The following SLCO1A2 variants were observed in gnomAD, a reference collection of about 807,000 sequenced individuals.
SLCO1A2 encodes the protein OATP-1.
Under a neutral mutation model 69.0 loss-of-function variants are expected in SLCO1A2, and 67 were observed. The ratio of observed to expected loss-of-function variants is 0.97; its 90% CI spans 0.80 to 1.19. SLCO1A2 has a LOEUF of 1.19. Ranked by LOEUF, SLCO1A2 falls within the 50% of genes most tolerant of loss-of-function variation. The pLI, the probability that SLCO1A2 is intolerant of heterozygous loss-of-function variation, is 0.00. For synonymous variants in SLCO1A2, 260 were observed against 265.9 expected (o/e 0.98, Z 0.22); for missense variants, 787 against 793.7 (o/e 0.99, Z 0.10).
At chr12:21,414,404 T>C in intron 1 of SLCO1A2, among the ~76,000 whole-genome samples, 1 of 152,140 alleles carries the variant, frequency 6.6e-6, no homozygotes, top group Non-Finnish European at 1.5e-5. Flanking sequence ...AATTTTCATA[T>C]CATGTTTTCC....
chr12:21,299,622 T>A (rs1261721099), intron 8 of SLCO1A2, among the ~76,000 whole-genome samples: 1 of 151,092 alleles, frequency 6.6e-6, no homozygotes, highest in Non-Finnish European at 1.5e-5. Flanking sequence ...ACACACTGGT[T>A]ACAAAACTAT....
At chr12:21,281,727 C>T (rs1944839182) in intron 12 of SLCO1A2, among the ~76,000 whole-genome samples, 2 of 152,094 alleles carry the variant, frequency 1.3e-5, no homozygotes, top group East Asian at 1.9e-4. Flanking sequence ...GAAAACATTA[C>T]AACTGATACC....
intron 6 of SLCO1A2, 108 bp downstream of exon 6, chr12:21,304,319 C>T (rs1949084127): frequency 3.5e-6 from 3 of 856,252 alleles, no homozygotes; most frequent in Middle Eastern, 3.6e-4. Context: ...TGCCAAGATA[C>T]TCTACTCATC....
chr12:21,372,872 A>G (rs1212261679), intron 2 of SLCO1A2: 1 of 185,826 alleles, frequency 5.4e-6, no homozygotes, highest in African/African-American at 2.4e-5. Context: ...TGTGAGGGGT[A>G]TATAAGAGCT....
In SLCO1A2 at chr12:21,299,760, A is replaced by ATATATGTGTG. The variant is rs1365933848; in HGVS notation, c.910+587_910+588insCACACATATA. On this transcript the variant is annotated intron_variant, in intron 8 of 14. Coordinates refer to ENST00000683939, the MANE Select transcript of SLCO1A2 (RefSeq NM_001386879.1). ...GTTTTTTGAGCAAATGGGACCATATATATACGTGTGTATATATATATATAT... is the reference window on the plus strand; with the variant it reads ...GTTTTTTGAGCAAATGGGACCATATATATATGTGTGTATACGTGTGTATATATATATATAT... Among the ~76,000 whole-genome samples, 188 of 130,766 alleles carry ATATATGTGTG rather than the reference A, an allele frequency of 1.4e-3. 7 individuals carry two copies. In the South Asian group the frequency reaches 0.042, roughly 29 times the overall value. 85.8% of individuals were successfully genotyped at this position (130,766 alleles called of 152,430 possible).
chr12:21,350,767 G>T (rs1036201408), intron 2 of SLCO1A2, among the ~76,000 whole-genome samples: 1 of 140,126 alleles, frequency 7.1e-6, no homozygotes, highest in Non-Finnish European at 1.5e-5. Flanking sequence ...AACCCAGGAG[G>T]CAGGGGTTGT....
At chr12:21,357,014 A>G (rs1938420438) in intron 2 of SLCO1A2, among the ~76,000 whole-genome samples, 1 of 152,186 alleles carries the variant, frequency 6.6e-6, no homozygotes, top group Admixed American at 6.5e-5. Context: ...ATAGTAAAAG[A>G]AATAATTTCA....
intron 2 of SLCO1A2, among the ~76,000 whole-genome samples, chr12:21,324,153 G>A (rs10459075): frequency 0.31 from 47,628 of 152,046 alleles, 7,598 homozygotes; most frequent in East Asian, 0.35. Context: ...AACTAAAAAT[G>A]TAAAGAAAAA....
At chr12:21,381,530 G>A (rs1484002073) in intron 1 of SLCO1A2, among the ~76,000 whole-genome samples, 3 of 152,174 alleles carry the variant, frequency 2.0e-5, no homozygotes, top group African/African-American at 7.2e-5. Flanking sequence ...GGGCGTGGTG[G>A]CTCACAGCTG....
rs749389235 is a variant in SLCO1A2 at position 21,294,028 on chromosome 12, G to T, written c.1354C>A (p.Pro452Thr). 27 of 1,612,178 alleles carry T rather than the reference G, an allele frequency of 1.7e-5. No homozygotes were observed. The South Asian group carries it at 2.6e-4, about 16-fold the overall frequency. The change falls in exon 11 of 15, where the codon CCT (proline) becomes ACT (threonine). Residue 452 changes from proline (P) to threonine (T), a missense_variant. Physicochemically the swap from Pro to Thr is conservative, Grantham distance 38. Transcript: ENST00000683939. Reference sequence around the variant, plus strand: ...GACAAGCCATTGTTTCCACACACAGGATCCCATATTTTAGATGGACAGTTG... The same window carrying T: ...GACAAGCCATTGTTTCCACACACAGTATCCCATATTTTAGATGGACAGTTG... ...DCNCPSKIWD[P>T]VCGNNGLSYL...
At chr12:21,356,776 T>C (rs752318581) in intron 2 of SLCO1A2, among the ~76,000 whole-genome samples, 8 of 152,116 alleles carry the variant, frequency 5.3e-5, no homozygotes, top group African/African-American at 1.4e-4. Context: ...GTCCAAGTTC[T>C]AGTAAGGTAA....
At chr12:21,400,222 G>A (rs2137187176), upstream of SLCO1A2, among the ~76,000 whole-genome samples, 1 of 152,252 alleles carries the variant, frequency 6.6e-6, no homozygotes, top group East Asian at 1.9e-4. Flanking sequence ...CGAAGGACAT[G>A]AACAGACACT....
chr12:21,417,147 G>A (rs182850024), intron 1 of SLCO1A2, among the ~76,000 whole-genome samples: 71 of 151,488 alleles, frequency 4.7e-4, no homozygotes, highest in African/African-American at 1.6e-3. Flanking sequence ...AGAAACTAGT[G>A]AAAGAAACAA....
At chr12:21,345,451 T>A (rs1489743895) in intron 2 of SLCO1A2, among the ~76,000 whole-genome samples, 1 of 152,086 alleles carries the variant, frequency 6.6e-6, no homozygotes, top group East Asian at 1.9e-4. Flanking sequence ...TCTTTTGTTT[T>A]TCCTTTGGGC....
rs1297117406 is a variant in SLCO1A2 at position 21,284,745 on chromosome 12, C to G, written c.1610+7419G>C. Among the ~76,000 whole-genome samples, 5 of 118,438 alleles carry G rather than the reference C, an allele frequency of 4.2e-5. No homozygotes were observed. The East Asian group carries it at 9.4e-4, about 22-fold the overall frequency. 77.7% of individuals were successfully genotyped at this position (118,438 alleles called of 152,430 possible). A position where few individuals can be genotyped will look rare whatever the true frequency, so the allele number is the denominator to read the frequency against. ...CTACATGGAAACTGAACAACCTGCT[C>G]CTGAATGACTACTGGGTACATAACG... On this transcript the variant is annotated intron_variant, in intron 12 of 14. Coordinates refer to ENST00000683939, the MANE Select transcript of SLCO1A2 (RefSeq NM_001386879.1).
At chr12:21,351,641 G>A (rs1937964933) in intron 2 of SLCO1A2, among the ~76,000 whole-genome samples, 1 of 151,964 alleles carries the variant, frequency 6.6e-6, no homozygotes, top group Non-Finnish European at 1.5e-5. Flanking sequence ...AGCCGGGCAT[G>A]GTGGTGGGCG....
chr12:21,283,487 A>T (rs1175460422), intron 12 of SLCO1A2, among the ~76,000 whole-genome samples: 7 of 152,090 alleles, frequency 4.6e-5, no homozygotes, highest in African/African-American at 1.4e-4. Context: ...CATTCAGGAA[A>T]CTCTCCAGGA....
intron 1 of SLCO1A2, among the ~76,000 whole-genome samples, chr12:21,412,382 G>GA (rs1448343311): frequency 2.2e-4 from 33 of 149,390 alleles, no homozygotes; most frequent in East Asian, 5.9e-4. Flanking sequence ...TCCATCTCAA[G>GA]AAAAAAAAAG....
intron 1 of SLCO1A2, among the ~76,000 whole-genome samples, chr12:21,413,512 A>G (rs1375014946): frequency 2.6e-5 from 4 of 152,080 alleles, no homozygotes; most frequent in Non-Finnish European, 4.4e-5. Flanking sequence ...AAAGCGTGGC[A>G]GTCCAATTCT....
Sources: allele counts gnomAD v4.1 joint callset (sites outside exome capture counted in the v4.1 genomes callset), GRCh38; gene constraint gnomAD v4.1.1; transcripts MANE v1.5; gene names NCBI Gene and HGNC (gene_info 2026-07-23, HGNC 2026-07-21).